Variants in MECOM observed in about 807,000 individuals in gnomAD.
MECOM encodes histone-lysine N-methyltransferase MECOM.
A neutral mutation model predicts 116.3 loss-of-function variants in MECOM; 13 were observed. That is an observed-to-expected ratio of 0.11 (90% CI 0.07 to 0.18). MECOM has a LOEUF of 0.18. MECOM is among the 10% of genes least tolerant of loss of function. MECOM has a pLI of 1.00. For missense variants in MECOM, 1,299 were observed against 1,509.0 expected (o/e 0.86, Z 2.31); for synonymous variants, 528 against 535.2 (o/e 0.99, Z 0.19).
At chr3:169,379,149 A>G (rs1731969273) in intron 2 of MECOM, among the ~76,000 whole-genome samples, 1 of 151,612 alleles carries the variant, frequency 6.6e-6, no homozygotes, top group Admixed American at 6.6e-5. Flanking sequence ...TAACTAGGTA[A>G]GATTAAAAGA....
intron 2 of MECOM, among the ~76,000 whole-genome samples, chr3:169,380,822 A>G (rs555455875): frequency 6.6e-6 from 1 of 152,294 alleles, no homozygotes; most frequent in Admixed American, 6.5e-5. Flanking sequence ...CCCCACCCCA[A>G]AAAAGATAAA....
chr3:169,511,250 T>C (rs1207748429), intron 1 of MECOM, among the ~76,000 whole-genome samples: 1 of 152,200 alleles, frequency 6.6e-6, no homozygotes, highest in Non-Finnish European at 1.5e-5. Context: ...CAGTAATTAC[T>C]ATCACATACA....
intron 2 of MECOM, among the ~76,000 whole-genome samples, chr3:169,195,587 C>A (rs1367706253): frequency 6.6e-6 from 1 of 151,958 alleles, no homozygotes. Flanking sequence ...ACTTTATAAC[C>A]CTCTGCTTAA....
At chr3:169,569,519 C>T (rs2342060) in intron 1 of MECOM, among the ~76,000 whole-genome samples, 23,833 of 152,134 alleles carry the variant, frequency 0.16, 2,272 homozygotes, top group East Asian at 0.35. Context: ...ACCAAATCAA[C>T]GGAATGTACA....
intron 2 of MECOM, among the ~76,000 whole-genome samples, chr3:169,263,399 A>T (rs1467671892): frequency 6.6e-6 from 1 of 151,552 alleles, no homozygotes; most frequent in African/African-American, 2.4e-5. Flanking sequence ...AAGTGCTGGG[A>T]TTACAGATGT....
intron 1 of MECOM, among the ~76,000 whole-genome samples, chr3:169,581,787 T>C (rs1765151385): frequency 6.6e-6 from 1 of 152,222 alleles, no homozygotes; most frequent in African/African-American, 2.4e-5. Flanking sequence ...AGAGCGACCT[T>C]TGACACAGGC....
chr3:169,596,889 C>G (rs1767210205), intron 1 of MECOM, among the ~76,000 whole-genome samples: 1 of 152,010 alleles, frequency 6.6e-6, no homozygotes, highest in Non-Finnish European at 1.5e-5. Flanking sequence ...ATAAATTGGA[C>G]TAGTCAAACA....
At position 169,271,896 on chromosome 3, in the gene MECOM, C is replaced by T. The variant is rs563486920; in HGVS notation, c.375+109291G>A. Among the ~76,000 whole-genome samples, 331 of 152,098 alleles carry T rather than the reference C, an allele frequency of 2.2e-3. 3 individuals carry two copies. Among genetic ancestry groups the T allele is most frequent in the African/African-American group, 7.7e-3 (321 of 41,488 alleles). On this transcript the variant is annotated intron_variant, in intron 2 of 16. Coordinates refer to ENST00000651503, the MANE Select transcript of MECOM (RefSeq NM_004991.4). Reference sequence around the variant, plus strand: ...CCGAGACCAGCCATCGTGCAACTGCCCATAAAAAAATTAACACCATCAAGG... The same window carrying T: ...CCGAGACCAGCCATCGTGCAACTGCTCATAAAAAAATTAACACCATCAAGG...
chr3:169,359,997 A>C (rs1232251956), intron 2 of MECOM, among the ~76,000 whole-genome samples: 1 of 151,726 alleles, frequency 6.6e-6, no homozygotes, highest in Non-Finnish European at 1.5e-5. Flanking sequence ...GGAGTTAACT[A>C]CACTCCAGGG....
At chr3:169,590,167 G>A (rs1373877729) in intron 1 of MECOM, among the ~76,000 whole-genome samples, 3 of 152,194 alleles carry the variant, frequency 2.0e-5, no homozygotes, top group African/African-American at 7.2e-5. Context: ...CTCTAAGTAA[G>A]CATTAGTTTT....
Position 169,101,039 on chromosome 3 carries a change from G to C in MECOM, c.2772-77C>G, listed in dbSNP as rs115241051. On this transcript the variant is annotated intron_variant, in intron 11 of 16. Transcript: ENST00000651503. ...CACTCATGCCACACAGCAGCCAGATGCTTATTCCTGATTCAATTAATCTTG... is the reference window on the plus strand; with the variant it reads ...CACTCATGCCACACAGCAGCCAGATCCTTATTCCTGATTCAATTAATCTTG... 1,108 of 903,796 alleles carry C rather than the reference G, an allele frequency of 1.2e-3. 11 individuals are homozygous for C. In the African/African-American group the frequency reaches 0.016, roughly 13 times the overall value. The allele number at this position is 903,796 out of a possible 1,614,324, so 56.0% of individuals were successfully genotyped here.
chr3:169,453,219 A>C (rs992222750), intron 1 of MECOM, among the ~76,000 whole-genome samples: 2 of 152,226 alleles, frequency 1.3e-5, no homozygotes, highest in African/African-American at 4.8e-5. Flanking sequence ...ACAGAACAAA[A>C]AGCCTTCAGA....
At chr3:169,464,512 A>G (rs1196126665) in intron 1 of MECOM, among the ~76,000 whole-genome samples, 2 of 151,860 alleles carry the variant, frequency 1.3e-5, no homozygotes, top group African/African-American at 4.8e-5. Context: ...TTCATTGCTT[A>G]TTACTTTTAT....
At chr3:169,332,903 T>C (rs1431982126) in intron 2 of MECOM, among the ~76,000 whole-genome samples, 1 of 151,672 alleles carries the variant, frequency 6.6e-6, no homozygotes, top group African/African-American at 2.4e-5. Context: ...ATGCATGGAG[T>C]GACAGTGGAA....
chr3:169,214,917 T>C (rs931380465), intron 2 of MECOM, among the ~76,000 whole-genome samples: 2 of 148,186 alleles, frequency 1.3e-5, no homozygotes, highest in African/African-American at 4.9e-5. Flanking sequence ...TAAATATATA[T>C]ACATATATAT....
intron 2 of MECOM, among the ~76,000 whole-genome samples, chr3:169,317,043 C>A (rs1020297398): frequency 6.6e-6 from 1 of 152,148 alleles, no homozygotes; most frequent in African/African-American, 2.4e-5. Flanking sequence ...TATTTCCCAG[C>A]GTGAGGGACC....
At chr3:169,496,358 G>C (rs1753816091) in intron 1 of MECOM, among the ~76,000 whole-genome samples, 1 of 152,174 alleles carries the variant, frequency 6.6e-6, no homozygotes, top group South Asian at 2.1e-4. Context: ...AAGAGCTTTT[G>C]TTTTAAAACC....
rs1374268742 is a variant in MECOM, at chr3:169,116,154, A to G, written c.1718T>C (p.Ile573Thr). 1 of 1,613,868 alleles carries G rather than the reference A, an allele frequency of 6.2e-7. No individual in the cohort carries two copies. The highest frequency in any genetic ancestry group is 1.3e-5 in the African/African-American group (1 of 74,882). The part of the protein sequence containing the change: ...RSSEERPFEK[I>T]SDQSESSDLD... ...GTCACTACTCTCTGACTGGTCACTG[A>G]TTTTCTCAAAGGGCCTCTCTTCAGA... The change falls in exon 8 of 17, where the codon ATC becomes ACC. Residue 573 changes from isoleucine to threonine, a missense_variant. By Grantham distance (89) the Ile-to-Thr change is moderately conservative. Coordinates refer to ENST00000651503, the MANE Select transcript of MECOM (RefSeq NM_004991.4).
At chr3:169,261,183 G>A (rs1316635937) in intron 2 of MECOM, among the ~76,000 whole-genome samples, 2 of 152,224 alleles carry the variant, frequency 1.3e-5, no homozygotes, top group South Asian at 4.2e-4. Context: ...TTACATTACT[G>A]TAAGGGACAA....
Sources: allele counts gnomAD v4.1 joint callset (sites outside exome capture counted in the v4.1 genomes callset), GRCh38; gene constraint gnomAD v4.1.1; transcripts MANE v1.5; gene names NCBI Gene and HGNC (gene_info 2026-07-23, HGNC 2026-07-21).